The following CAST variants were observed in gnomAD, a reference collection of about 807,000 sequenced individuals.
The protein encoded by CAST is MIR583 host.
In CAST, 76 loss-of-function variants were observed where a neutral mutation model predicts 119.6. The observed-to-expected ratio is 0.64, with a 90% CI of 0.53 to 0.77. CAST has a LOEUF of 0.77. CAST is among the 30% of genes least tolerant of loss of function. The pLI is 0.00. For missense variants in CAST, 953 were observed against 946.5 expected, an observed-to-expected ratio of 1.01 and a Z score of -0.09; for synonymous variants, 319 against 331.6, an observed-to-expected ratio of 0.96 and a Z score of 0.41.
intron 16 of CAST, among the ~76,000 whole-genome samples, chr5:96,744,212 T>C (rs966076909): frequency 6.6e-6 from 1 of 152,194 alleles, no homozygotes; most frequent in African/African-American, 2.4e-5. Flanking sequence ...TCCACTCTTA[T>C]GACATAATAG....
intron 8 of CAST, 22 bp from the exon 9 acceptor site, chr5:96,730,758 C>T (rs745798050): frequency 3.2e-6 from 5 of 1,584,702 alleles, no homozygotes; most frequent in Middle Eastern, 1.7e-4. Flanking sequence ...GCTCTGTCAA[C>T]CTTTTATCCT....
chr5:96,421,148 T>C, the CAST span, among the ~76,000 whole-genome samples: 1 of 152,234 alleles, frequency 6.6e-6, no homozygotes, highest in African/African-American at 2.4e-5. Flanking sequence ...AGGAGAGAAG[T>C]TGAAAGTCTC....
At chr5:96,422,621 C>A in the CAST span, among the ~76,000 whole-genome samples, 3 of 152,140 alleles carry the variant, frequency 2.0e-5, no homozygotes, top group South Asian at 6.2e-4. Context: ...ATTTTTCCTT[C>A]TCTTTTCCTT....
At chr5:96,631,802 G>A (rs1747823122) in intron 1 of CAST, among the ~76,000 whole-genome samples, 1 of 152,102 alleles carries the variant, frequency 6.6e-6, no homozygotes, top group South Asian at 2.1e-4. Flanking sequence ...AAAGTGCTGG[G>A]ATTACAGGCG....
At chr5:96,742,243 G>A (rs1461994392) in intron 15 of CAST, 1 of 161,840 alleles carries the variant, frequency 6.2e-6, no homozygotes, top group African/African-American at 2.4e-5. Flanking sequence ...GCCACTTCAA[G>A]CTTCCCTGCT....
chr5:96,496,163 G>A, the CAST span, among the ~76,000 whole-genome samples: 1 of 152,060 alleles, frequency 6.6e-6, no homozygotes, highest in East Asian at 1.9e-4. Flanking sequence ...CATAATAAAT[G>A]TCATTTTATT....
At chr5:96,712,296 ATTC>A (rs1756324925) in intron 3 of CAST, among the ~76,000 whole-genome samples, 1 of 152,216 alleles carries the variant, frequency 6.6e-6, no homozygotes, top group African/African-American at 2.4e-5. Flanking sequence ...CTCCAAAGCC[ATTC>A]TTCTAACCAT....
At chr5:96,375,521 A>G in the CAST span, among the ~76,000 whole-genome samples, 1 of 152,032 alleles carries the variant, frequency 6.6e-6, no homozygotes, top group South Asian at 2.1e-4. Flanking sequence ...AATATAAAAA[A>G]CACAAAACCA....
chr5:96,289,212 T>C, the CAST span, among the ~76,000 whole-genome samples: 1 of 152,196 alleles, frequency 6.6e-6, no homozygotes, highest in Non-Finnish European at 1.5e-5. Context: ...GTTTTTATTG[T>C]AAATATTTTC....
the CAST span, among the ~76,000 whole-genome samples, chr5:96,515,782 G>C: frequency 6.6e-6 from 1 of 151,964 alleles, no homozygotes; most frequent in Non-Finnish European, 1.5e-5. Context: ...TCTGGCAATG[G>C]GTACAAGTGT....
At chr5:96,028,133 A>G in the CAST span, among the ~76,000 whole-genome samples, 1 of 152,136 alleles carries the variant, frequency 6.6e-6, no homozygotes, top group African/African-American at 2.4e-5. Flanking sequence ...CCTATTAGCC[A>G]TTGAATGTTT....
At chr5:96,425,893 C>G in the CAST span, 8 of 1,612,558 alleles carry the variant, frequency 5.0e-6, no homozygotes, top group Non-Finnish European at 6.8e-6. Flanking sequence ...TGAACGTTTA[C>G]TTCTTTCTTT....
intron 1 of CAST, among the ~76,000 whole-genome samples, chr5:96,595,874 T>C (rs983977442): frequency 6.6e-6 from 1 of 152,058 alleles, no homozygotes; most frequent in South Asian, 2.1e-4. Context: ...CTATGAGAAG[T>C]CAAAGTGAGT....
chr5:96,193,143 A>G, the CAST span, among the ~76,000 whole-genome samples: 1 of 152,218 alleles, frequency 6.6e-6, no homozygotes, highest in Non-Finnish European at 1.5e-5. Flanking sequence ...ATGTCAAACT[A>G]CCAGTATTCC....
chr5:96,416,337 C>A, the CAST span, among the ~76,000 whole-genome samples: 2 of 152,176 alleles, frequency 1.3e-5, no homozygotes, highest in Non-Finnish European at 2.9e-5. Context: ...CTGGCTTCTG[C>A]CATTCACTAA....
At chr5:96,378,799 A>G in the CAST span, among the ~76,000 whole-genome samples, 1 of 152,110 alleles carries the variant, frequency 6.6e-6, no homozygotes, top group Non-Finnish European at 1.5e-5. Flanking sequence ...TATCATTCAA[A>G]TTATTTTCTA....
chr5:96,603,297 A>T (rs566384535), intron 1 of CAST, among the ~76,000 whole-genome samples: 1 of 152,384 alleles, frequency 6.6e-6, no homozygotes, highest in African/African-American at 2.4e-5. Context: ...CTTTTGTAAT[A>T]ACATTTAGCT....
At chr5:96,314,118 A>G in the CAST span, among the ~76,000 whole-genome samples, 6 of 152,194 alleles carry the variant, frequency 3.9e-5, no homozygotes, top group African/African-American at 1.4e-4. Flanking sequence ...GAATTGTTAG[A>G]AGAGTTTTTG....
At chr5:96,012,473 G>T in the CAST span, among the ~76,000 whole-genome samples, 1 of 152,008 alleles carries the variant, frequency 6.6e-6, no homozygotes. Context: ...TGCCTCATCT[G>T]TAAAAGACAT....
Sources: allele counts gnomAD v4.1 joint callset (sites outside exome capture counted in the v4.1 genomes callset), GRCh38; gene constraint gnomAD v4.1.1; transcripts MANE v1.5; gene names NCBI Gene and HGNC (gene_info 2026-07-23, HGNC 2026-07-21).